Variants in USH2A observed in about 807,000 individuals in gnomAD.
USH2A encodes Usher syndrome 2A (autosomal recessive, mild).
Under a neutral mutation model 538.9 loss-of-function variants are expected in USH2A, and 443 were observed. The ratio of observed to expected loss-of-function variants is 0.82; its 90% CI spans 0.76 to 0.89. The LOEUF (loss-of-function observed/expected upper bound fraction) is 0.89, where lower values mean the gene tolerates loss of function less well. USH2A is among the 40% of genes least tolerant of loss of function. The pLI is 0.00. For synonymous variants in USH2A, 2,413 were observed against 2,273.5 expected (o/e 1.06, Z -1.75); for missense variants, 6,633 against 6,324.8 (o/e 1.05, Z -1.65).
At chr1:216,152,502 G>A (rs1287266390) in intron 21 of USH2A, among the ~76,000 whole-genome samples, 10 of 133,096 alleles carry the variant, frequency 7.5e-5, no homozygotes, top group East Asian at 2.2e-4. Context: ...ACTCCCACCC[G>A]CCAGAGAACA....
At chr1:215,841,898 G>T (rs921321807) in intron 46 of USH2A, among the ~76,000 whole-genome samples, 15 of 151,898 alleles carry the variant, frequency 9.9e-5, no homozygotes, top group South Asian at 2.1e-4. Context: ...GAACAGACAC[G>T]TCTCCAAAGA....
chr1:216,365,541 A>G (rs1011054972), intron 3 of USH2A, among the ~76,000 whole-genome samples: 4 of 152,194 alleles, frequency 2.6e-5, no homozygotes, highest in African/African-American at 9.7e-5. Flanking sequence ...TCTTGAATTT[A>G]CTGTCTTGGG....
chr1:216,256,921 C>G (rs1255982752), intron 11 of USH2A, among the ~76,000 whole-genome samples: 1 of 152,026 alleles, frequency 6.6e-6, no homozygotes, highest in Non-Finnish European at 1.5e-5. Flanking sequence ...GTGCCCCTAA[C>G]TCCCATGTCG....
At chr1:215,668,387 A>G (rs576254731) in intron 64 of USH2A, among the ~76,000 whole-genome samples, 1 of 152,342 alleles carries the variant, frequency 6.6e-6, no homozygotes, top group East Asian at 1.9e-4. Flanking sequence ...TCAGCATTTA[A>G]TCTATGCTTT....
At chr1:215,649,977 A>G (rs1656999638) in intron 65 of USH2A, among the ~76,000 whole-genome samples, 3 of 152,160 alleles carry the variant, frequency 2.0e-5, no homozygotes, top group South Asian at 4.1e-4. Flanking sequence ...GCACAATGTG[A>G]AAGATGATTT....
chr1:215,663,079 G>A (rs1571939643), intron 64 of USH2A, among the ~76,000 whole-genome samples: 1 of 152,160 alleles, frequency 6.6e-6, no homozygotes, highest in South Asian at 2.1e-4. Context: ...GGATGAGGAG[G>A]GTTGAACTTC....
intron 15 of USH2A, among the ~76,000 whole-genome samples, chr1:216,215,777 A>C (rs2035331462): frequency 6.6e-6 from 1 of 152,152 alleles, no homozygotes. Flanking sequence ...CCAGGGAAGA[A>C]TCATTAGGAA....
At chr1:215,986,117 C>T (rs1667866817) in intron 35 of USH2A, among the ~76,000 whole-genome samples, 1 of 151,706 alleles carries the variant, frequency 6.6e-6, no homozygotes, top group South Asian at 2.1e-4. Flanking sequence ...TCATGCTTCT[C>T]CCTCTCTCTC....
chr1:216,074,586 A>G (rs1489596979), intron 27 of USH2A, among the ~76,000 whole-genome samples: 2 of 152,088 alleles, frequency 1.3e-5, no homozygotes, highest in Non-Finnish European at 2.9e-5. Flanking sequence ...TATTATCCAC[A>G]TTTTTTTAGT....
At chr1:216,126,201 G>A (rs748948047) in intron 21 of USH2A, among the ~76,000 whole-genome samples, 5 of 147,472 alleles carry the variant, frequency 3.4e-5, no homozygotes, top group Non-Finnish European at 7.5e-5. Flanking sequence ...ATTAACAGCC[G>A]TTGCTTTTTT....
At chr1:215,680,055 G>A in intron 62 of USH2A, 94 bp downstream of exon 62, 1 of 1,259,716 alleles carries the variant, frequency 7.9e-7, no homozygotes, top group Non-Finnish European at 1.2e-6. Context: ...AGGCTGTGAA[G>A]GGAGTTTTCC....
At position 215,678,618 on chromosome 1, in the gene USH2A, G is replaced by A. The variant is rs113101931; in HGVS notation, c.12294+1531C>T. On this transcript the variant is annotated intron_variant, in intron 62 of 71. Coordinates refer to ENST00000307340, the MANE Select transcript of USH2A (RefSeq NM_206933.4). Reference sequence around the variant, plus strand: ...TTTAATTTTCTTTATAGCATTCATCGCTCTCAGTAATTCCCTTGCTTATTT... The same window carrying A: ...TTTAATTTTCTTTATAGCATTCATCACTCTCAGTAATTCCCTTGCTTATTT... Among the ~76,000 whole-genome samples the A allele has an allele frequency of 2.0e-3, 309 of 152,004 alleles. 3 individuals are homozygous for A. Among genetic ancestry groups the A allele is most frequent in the African/African-American group, 6.9e-3 (288 of 41,460 alleles).
intron 50 of USH2A, among the ~76,000 whole-genome samples, chr1:215,793,530 T>C (rs1410846928): frequency 6.6e-6 from 1 of 152,104 alleles, no homozygotes; most frequent in African/African-American, 2.4e-5. Context: ...CCCCAAATCA[T>C]TGTGATACAT....
At chr1:216,088,674 A>G (rs2032207440) in intron 23 of USH2A, among the ~76,000 whole-genome samples, 1 of 152,222 alleles carries the variant, frequency 6.6e-6, no homozygotes, top group South Asian at 2.1e-4. Context: ...CTCATCTCCA[A>G]ATGCAGACAA....
chr1:216,285,178 C>T (rs1383836281), intron 11 of USH2A, among the ~76,000 whole-genome samples: 1 of 152,114 alleles, frequency 6.6e-6, no homozygotes, highest in Non-Finnish European at 1.5e-5. Context: ...CATGTCTCAT[C>T]ACCCCTCCCA....
At chr1:216,064,489 T>G (rs2031287054) in intron 30 of USH2A, among the ~76,000 whole-genome samples, 1 of 150,840 alleles carries the variant, frequency 6.6e-6, no homozygotes, top group African/African-American at 2.4e-5. Flanking sequence ...GAGTGGCCCT[T>G]GCTAGGGATT....
At chr1:216,240,392 C>T (rs1437949708) in intron 13 of USH2A, among the ~76,000 whole-genome samples, 3 of 151,830 alleles carry the variant, frequency 2.0e-5, no homozygotes, top group African/African-American at 7.3e-5. Context: ...ACTGTTTGGT[C>T]GAACATGAGT....
intron 56 of USH2A, among the ~76,000 whole-genome samples, chr1:215,764,909 G>A (rs1313380835): frequency 6.6e-6 from 1 of 151,680 alleles, no homozygotes; most frequent in Non-Finnish European, 1.5e-5. Flanking sequence ...TTCTTCTGCA[G>A]AGGAAAGTCC....
chr1:215,879,408 G>A (rs1395866401), intron 41 of USH2A, among the ~76,000 whole-genome samples: 1 of 152,204 alleles, frequency 6.6e-6, no homozygotes, highest in Non-Finnish European at 1.5e-5. Flanking sequence ...GCAAACACAT[G>A]GAGAAAATTC....
Sources: allele counts gnomAD v4.1 joint callset (sites outside exome capture counted in the v4.1 genomes callset), GRCh38; gene constraint gnomAD v4.1.1; transcripts MANE v1.5; gene names NCBI Gene and HGNC (gene_info 2026-07-23, HGNC 2026-07-21).